Variants in ASTN2 observed in about 807,000 individuals in gnomAD.
The protein encoded by ASTN2 is astrotactin 2.
In ASTN2, 54 loss-of-function variants were observed where a neutral mutation model predicts 139.8. The observed-to-expected ratio is 0.39, with a 90% CI of 0.31 to 0.48. The LOEUF (loss-of-function observed/expected upper bound fraction) is 0.48, where lower values mean the gene tolerates loss of function less well. Among genes scored for constraint, ASTN2 ranks in the 20% least tolerant of loss-of-function variants. ASTN2 has a pLI of 0.95. For missense variants in ASTN2, 1,565 were observed against 1,725.1 expected (o/e 0.91, Z 1.64); for synonymous variants, 756 against 719.5 (o/e 1.05, Z -0.81).
At chr9:117,162,470 C>T (rs1830576089) in intron 3 of ASTN2, among the ~76,000 whole-genome samples, 1 of 151,956 alleles carries the variant, frequency 6.6e-6, no homozygotes. Flanking sequence ...GAGCATTCTC[C>T]AAGGCCCAGG....
chr9:116,595,394 C>G (rs2131740531), intron 19 of ASTN2, among the ~76,000 whole-genome samples: 1 of 151,824 alleles, frequency 6.6e-6, no homozygotes, highest in East Asian at 1.9e-4. Context: ...GTGGTGTGAT[C>G]TCGGCTCACT....
At chr9:117,397,377 A>G (rs1361894733) in intron 1 of ASTN2, among the ~76,000 whole-genome samples, 1 of 152,232 alleles carries the variant, frequency 6.6e-6, no homozygotes, top group Non-Finnish European at 1.5e-5. Context: ...AAAAACAAAG[A>G]AAGTCACTTA....
intron 13 of ASTN2, among the ~76,000 whole-genome samples, chr9:116,767,233 G>T (rs1024438751): frequency 4.6e-5 from 7 of 152,002 alleles, no homozygotes; most frequent in African/African-American, 1.7e-4. Flanking sequence ...ATGGGAACCC[G>T]CCCCTTCCCT....
At chr9:117,280,885 ATTTTAG>A (rs1382080303) in intron 2 of ASTN2, among the ~76,000 whole-genome samples, 5 of 152,116 alleles carry the variant, frequency 3.3e-5, no homozygotes, top group Admixed American at 3.3e-4. Context: ...TTCACCATTA[ATTTTAG>A]TATACATCAG....
At chr9:116,824,237 A>G (rs569886185) in intron 11 of ASTN2, among the ~76,000 whole-genome samples, 1 of 152,204 alleles carries the variant, frequency 6.6e-6, no homozygotes, top group African/African-American at 2.4e-5. Flanking sequence ...GTCCCCAGTG[A>G]TTCCTGCCTT....
chr9:116,721,041 A>G (rs959621472), intron 16 of ASTN2, among the ~76,000 whole-genome samples: 1 of 152,220 alleles, frequency 6.6e-6, no homozygotes, highest in Non-Finnish European at 1.5e-5. Context: ...ACACCTGGGA[A>G]CACAGTAATC....
intron 20 of ASTN2, among the ~76,000 whole-genome samples, chr9:116,472,443 C>T (rs1848841231): frequency 6.6e-6 from 1 of 152,192 alleles, no homozygotes; most frequent in African/African-American, 2.4e-5. Flanking sequence ...GGGCAAATCA[C>T]CTTCTACCCC....
chr9:116,572,145 G>C (rs767625515), intron 19 of ASTN2, among the ~76,000 whole-genome samples: 1 of 152,138 alleles, frequency 6.6e-6, no homozygotes, highest in Admixed American at 6.5e-5. Flanking sequence ...ATGTGTCTGT[G>C]TGTTTTCCCT....
At chr9:116,971,112 T>C (rs1836183617) in intron 10 of ASTN2, among the ~76,000 whole-genome samples, 1 of 152,176 alleles carries the variant, frequency 6.6e-6, no homozygotes, top group Admixed American at 6.5e-5. Flanking sequence ...TGGCATAGTA[T>C]CTGGTACACA....
At chr9:116,864,892 C>A (rs1832977337) in intron 10 of ASTN2, among the ~76,000 whole-genome samples, 1 of 152,188 alleles carries the variant, frequency 6.6e-6, no homozygotes, top group African/African-American at 2.4e-5. Context: ...TTCATACTGA[C>A]TGTCAGTGAA....
intron 5 of ASTN2, among the ~76,000 whole-genome samples, chr9:117,064,440 G>A (rs916231639): frequency 6.6e-6 from 1 of 152,208 alleles, no homozygotes; most frequent in Admixed American, 6.5e-5. Context: ...GGAGAGAAGG[G>A]ATGACCCAAC....
At chr9:117,053,331 A>T (rs2132671553) in intron 5 of ASTN2, among the ~76,000 whole-genome samples, 1 of 152,262 alleles carries the variant, frequency 6.6e-6, no homozygotes, top group Non-Finnish European at 1.5e-5. Flanking sequence ...GCATACCTGC[A>T]GTCCCAGGTA....
intron 2 of ASTN2, among the ~76,000 whole-genome samples, chr9:117,235,187 T>C (rs1833009780): frequency 6.7e-6 from 1 of 148,548 alleles, no homozygotes. Context: ...TAAGCTGAGA[T>C]CACACCATCG....
chr9:116,924,858 C>T (rs1170990089), intron 10 of ASTN2, among the ~76,000 whole-genome samples: 1 of 152,168 alleles, frequency 6.6e-6, no homozygotes, highest in African/African-American at 2.4e-5. Flanking sequence ...CATCCTGTGA[C>T]TAAGAACGCC....
At chr9:116,983,464 T>C (rs1836574553) in intron 7 of ASTN2, among the ~76,000 whole-genome samples, 2 of 152,154 alleles carry the variant, frequency 1.3e-5, no homozygotes, top group Admixed American at 1.3e-4. Flanking sequence ...CCCTAGGTCA[T>C]AGGGCCAGGT....
rs1389002605 is a variant in ASTN2, at chr9:117,414,132, C to A, written c.442+365G>T. 2.0e-5 allele frequency among the ~76,000 whole-genome samples: 3 copies of A among 151,968 alleles called. No homozygotes were observed. Among genetic ancestry groups the A allele is most frequent in the Non-Finnish European group, 4.4e-5 (3 of 67,986 alleles). ...ACGGTACCCGGAGAAGTGGGAGGCT[C>A]GACCTGAAACTGGCTTAGGATCTGG... On this transcript the variant is annotated intron_variant, in intron 1 of 22. Transcript: ENST00000313400. The surrounding 1 kb of genome is among the most constrained non-coding windows in gnomAD (Gnocchi z 4.2).
chr9:116,787,387 GA>G (rs1181315811), intron 13 of ASTN2, among the ~76,000 whole-genome samples: 1 of 152,170 alleles, frequency 6.6e-6, no homozygotes, highest in African/African-American at 2.4e-5. Context: ...TACAATCTAG[GA>G]CTGTCTTTCT....
intron 1 of ASTN2, among the ~76,000 whole-genome samples, chr9:117,391,186 G>T (rs1032027207): frequency 1.3e-5 from 2 of 152,190 alleles, no homozygotes; most frequent in African/African-American, 4.8e-5. Flanking sequence ...CTAAGGGACA[G>T]CTAAAGCTGA....
chr9:117,057,382 T>C (rs1288474782), intron 5 of ASTN2, among the ~76,000 whole-genome samples: 1 of 152,074 alleles, frequency 6.6e-6, no homozygotes, highest in Non-Finnish European at 1.5e-5. Flanking sequence ...AGAGACAGGG[T>C]AGTGGTGGTT....
Sources: gnomAD v4.1 joint callset for allele counts (sites outside exome capture counted in the v4.1 genomes callset) on GRCh38, gnomAD v4.1.1 for gene constraint, Gnocchi (gnomAD v3.1) non-coding constraint, MANE v1.5 for transcripts, NCBI Gene and HGNC (gene_info 2026-07-23, HGNC 2026-07-21) for gene names.